OSBPL10: variants seen among roughly 807,000 people sequenced by gnomAD.
The protein encoded by OSBPL10 is oxysterol-binding protein-related protein 10.
OSBPL10 carries 49 observed loss-of-function variants against 81.7 expected under a neutral mutation model. That is an observed-to-expected ratio of 0.60 (90% confidence interval 0.48 to 0.76). The LOEUF (loss-of-function observed/expected upper bound fraction) is 0.76, where lower values mean the gene tolerates loss of function less well. Ranked by LOEUF, OSBPL10 falls within the 30% of genes least tolerant of loss-of-function variation. The pLI is 0.00. For synonymous variants in OSBPL10, 419 were observed against 383.6 expected (o/e 1.09, Z -1.08); for missense variants, 923 against 987.8 (o/e 0.93, Z 0.88).
chr3:31,813,359 C>T (rs759662199), intron 4 of OSBPL10, among the ~76,000 whole-genome samples: 2 of 152,198 alleles, frequency 1.3e-5, no homozygotes, highest in African/African-American at 2.4e-5. Context: ...AGACACAGCC[C>T]TAATCCCTCA....
Position 31,876,499 on chromosome 3 carries a change from T to C in OSBPL10, c.471A>G (p.Lys157=), listed in dbSNP as rs1343761007. 6.2e-7 allele frequency: 1 copy of C among 1,613,026 alleles called. No homozygotes were observed. The highest frequency in any genetic ancestry group is 1.3e-5 in the African/African-American group (1 of 75,026). Residue 157 remains lysine, a synonymous_variant, in exon 3 of 12, where the codon AAA becomes AAG. Transcript: ENST00000396556. ...EMFKLRAADA[K]EKQFWVTQLR... is the part of the protein sequence containing the mutation. ...GCTGAGTCACCCAGAATTGTTTCTC[T>C]TTTGCATCAGCAGCTAAAATAGAGA...
intron 1 of OSBPL10, among the ~76,000 whole-genome samples, chr3:31,882,611 T>C (rs1695614751): frequency 6.6e-6 from 1 of 152,222 alleles, no homozygotes; most frequent in African/African-American, 2.4e-5. Context: ...TTCCCAGCAC[T>C]TAGGGTGTGG....
intron 1 of OSBPL10, among the ~76,000 whole-genome samples, chr3:32,069,233 T>C (rs1206019527): frequency 6.6e-6 from 1 of 152,168 alleles, no homozygotes; most frequent in African/African-American, 2.4e-5. Context: ...TTAAATGTCA[T>C]CCTGACTTCT....
chr3:31,804,738 C>T (rs1412029950), intron 4 of OSBPL10, among the ~76,000 whole-genome samples: 2 of 152,210 alleles, frequency 1.3e-5, no homozygotes, highest in African/African-American at 4.8e-5. Flanking sequence ...TGACTGCCAA[C>T]AGCAATAAAC....
At chr3:31,663,889 A>G in intron 11 of OSBPL10, 190 bp downstream of exon 11, 2 of 1,467,478 alleles carry the variant, frequency 1.4e-6, no homozygotes, top group South Asian at 2.8e-5. Flanking sequence ...AGAAGGTTTC[A>G]TGAATATTGT....
rs2125730477 is a variant in OSBPL10, at chr3:31,764,743, T to G, written c.730-16623A>C. ...CCCAGCAAGGGTGGAGCATTTTAACTGCACATTATATATCTCTGGACACAC... is the reference window on the plus strand; with the variant it reads ...CCCAGCAAGGGTGGAGCATTTTAACGGCACATTATATATCTCTGGACACAC... On this transcript the variant is annotated intron_variant, in intron 4 of 11. Transcript: ENST00000396556. Among the ~76,000 whole-genome samples the G allele has an allele frequency of 1.3e-5, 2 of 152,316 alleles. 1 individual carries two copies. Among genetic ancestry groups the G allele is most frequent in the South Asian group, 4.1e-4 (2 of 4,830 alleles).
chr3:31,792,222 C>G (rs1699029580), intron 4 of OSBPL10, among the ~76,000 whole-genome samples: 2 of 139,908 alleles, frequency 1.4e-5, no homozygotes, highest in Admixed American at 1.3e-4. Context: ...GAGACCCTGT[C>G]TCCAAAAAAA....
chr3:32,034,401 A>T (rs1183154036), intron 2 of OSBPL10, among the ~76,000 whole-genome samples: 1 of 148,192 alleles, frequency 6.7e-6, no homozygotes, highest in African/African-American at 2.5e-5. Context: ...AGATGGCACC[A>T]CTGCACTCCA....
intron 4 of OSBPL10, among the ~76,000 whole-genome samples, chr3:31,808,989 T>C (rs1699595017): frequency 6.6e-6 from 1 of 152,178 alleles, no homozygotes; most frequent in South Asian, 2.1e-4. Flanking sequence ...TATAAACACA[T>C]ACATCCATAT....
At chr3:31,817,423 T>C (rs571523673) in intron 4 of OSBPL10, among the ~76,000 whole-genome samples, 1 of 152,232 alleles carries the variant, frequency 6.6e-6, no homozygotes, top group Non-Finnish European at 1.5e-5. Flanking sequence ...CCCCCAAGGA[T>C]GCAGGCTGCA....
chr3:31,881,549 C>T (rs184645772), intron 1 of OSBPL10, among the ~76,000 whole-genome samples: 1 of 151,946 alleles, frequency 6.6e-6, no homozygotes, highest in Admixed American at 6.6e-5. Context: ...AAAACATCAA[C>T]GTAGAACAGG....
At chr3:31,794,936 C>A (rs919797018) in intron 4 of OSBPL10, 1 of 355,356 alleles carries the variant, frequency 2.8e-6, no homozygotes, top group Non-Finnish European at 5.6e-6. Context: ...AGAGAAGTGT[C>A]ATTTGTAAAC....
chr3:31,673,435 C>T (rs113080438), intron 8 of OSBPL10, among the ~76,000 whole-genome samples: 33 of 152,228 alleles, frequency 2.2e-4, no homozygotes, highest in African/African-American at 7.9e-4. Context: ...AGAGAGAGGT[C>T]ACCTCAAATA....
intron 7 of OSBPL10, among the ~76,000 whole-genome samples, chr3:31,687,351 T>A (rs568577058): frequency 6.6e-6 from 1 of 152,208 alleles, no homozygotes; most frequent in East Asian, 1.9e-4. Context: ...AGATTAAAGT[T>A]AACAAGGAAA....
At chr3:31,784,156 T>C (rs899578645) in intron 4 of OSBPL10, among the ~76,000 whole-genome samples, 1 of 151,590 alleles carries the variant, frequency 6.6e-6, no homozygotes, top group Non-Finnish European at 1.5e-5. Flanking sequence ...CTGGCCAACA[T>C]GGTCAAACCC....
chr3:31,672,362 G>A (rs1194256863), intron 8 of OSBPL10, among the ~76,000 whole-genome samples: 4 of 39,670 alleles, frequency 1.0e-4, no homozygotes, highest in South Asian at 1.0e-3. Flanking sequence ...TTGCGGGGGC[G>A]GGGGGGGGGG....
chr3:31,666,696 C>A (rs1333976581), intron 10 of OSBPL10, among the ~76,000 whole-genome samples: 1 of 152,126 alleles, frequency 6.6e-6, no homozygotes, highest in African/African-American at 2.4e-5. Flanking sequence ...TAGTACCAAA[C>A]CTATATATAC....
chr3:31,735,514 G>A (rs936712902), intron 5 of OSBPL10, among the ~76,000 whole-genome samples: 2 of 152,212 alleles, frequency 1.3e-5, no homozygotes, highest in African/African-American at 4.8e-5. Flanking sequence ...GCCTGGCTTT[G>A]CTCTGTGACC....
chr3:31,905,643 C>T (rs2125684167), intron 1 of OSBPL10, among the ~76,000 whole-genome samples: 1 of 152,134 alleles, frequency 6.6e-6, no homozygotes, highest in Admixed American at 6.6e-5. Flanking sequence ...AGCCACTGTG[C>T]CCAGCCAGAA....
Sources: gnomAD v4.1 joint callset for allele counts (sites outside exome capture counted in the v4.1 genomes callset) on GRCh38, gnomAD v4.1.1 for gene constraint, MANE v1.5 for transcripts, NCBI Gene and HGNC (gene_info 2026-07-23, HGNC 2026-07-21) for gene names.